FAM107B: variants seen among roughly 807,000 people sequenced by gnomAD.
The protein encoded by FAM107B is family with sequence similarity 107 member B.
A neutral mutation model predicts 31.5 loss-of-function variants in FAM107B; 21 were observed. That is an observed-to-expected ratio of 0.67 (90% CI 0.47 to 0.96). The LOEUF is 0.96. Ranked by LOEUF, FAM107B falls within the 40% of genes least tolerant of loss-of-function variation. The pLI, the probability that FAM107B is intolerant of heterozygous loss-of-function variation, is 0.00. For synonymous variants in FAM107B, 157 were observed against 141.5 expected (o/e 1.11, Z -0.78); for missense variants, 452 against 377.1 (o/e 1.20, Z -1.64).
intron 1 of FAM107B, among the ~76,000 whole-genome samples, chr10:14,770,090 G>T (rs1159493553): frequency 6.6e-6 from 1 of 152,130 alleles, no homozygotes; most frequent in African/African-American, 2.4e-5. Context: ...CTCTCATACT[G>T]CATTGATTCT....
At chr10:14,627,601 C>G (rs1261319648) in intron 2 of FAM107B, among the ~76,000 whole-genome samples, 4 of 152,080 alleles carry the variant, frequency 2.6e-5, no homozygotes, top group South Asian at 4.1e-4. Context: ...TTAACGACAC[C>G]CCATCTCTAC....
chr10:14,746,349 G>A (rs1347522206), intron 1 of FAM107B, among the ~76,000 whole-genome samples: 1 of 152,144 alleles, frequency 6.6e-6, no homozygotes, highest in African/African-American at 2.4e-5. Flanking sequence ...CATGCTAGCT[G>A]GTTATTTTGC....
At chr10:14,729,834 T>A (rs1588737414) in intron 1 of FAM107B, among the ~76,000 whole-genome samples, 1 of 152,180 alleles carries the variant, frequency 6.6e-6, no homozygotes, top group South Asian at 2.1e-4. Context: ...GTGGCACATA[T>A]ACACCATGAA....
intron 1 of FAM107B, among the ~76,000 whole-genome samples, chr10:14,734,876 G>A (rs1856262200): frequency 6.6e-6 from 1 of 152,140 alleles, no homozygotes; most frequent in Admixed American, 6.6e-5. Context: ...GTGAAATGCA[G>A]TGGACACAGT....
intron 1 of FAM107B, among the ~76,000 whole-genome samples, chr10:14,715,745 C>T (rs1162926499): frequency 6.6e-6 from 1 of 152,186 alleles, no homozygotes; most frequent in Non-Finnish European, 1.5e-5. Context: ...ATCAGCACTC[C>T]TTGTTCCCCA....
chr10:14,527,282 A>G (rs976901985), intron 3 of FAM107B, among the ~76,000 whole-genome samples: 1 of 152,168 alleles, frequency 6.6e-6, no homozygotes, highest in African/African-American at 2.4e-5. Context: ...CGTCAGACCT[A>G]GAGGCTTCAA....
chr10:14,594,776 A>G (rs182832231), intron 2 of FAM107B, among the ~76,000 whole-genome samples: 1 of 152,324 alleles, frequency 6.6e-6, no homozygotes, highest in Non-Finnish European at 1.5e-5. Flanking sequence ...ACTGATTTCT[A>G]GAAATCACAG....
intron 2 of FAM107B, among the ~76,000 whole-genome samples, chr10:14,603,985 G>GCGGCCCCCGCCTCCGCGGCGCCCCCCGCA (rs1852495527): frequency 2.0e-5 from 3 of 147,716 alleles, no homozygotes; most frequent in Non-Finnish European, 4.5e-5. Context: ...CTTCCCCGCA[G>GCGGCCCCCGCCTCCGCGGCGCCCCCCGCA]CGGCCCCCGC....
At chr10:14,657,485 A>G (rs565131403) in intron 2 of FAM107B, among the ~76,000 whole-genome samples, 2 of 152,212 alleles carry the variant, frequency 1.3e-5, no homozygotes, top group African/African-American at 4.8e-5. Flanking sequence ...CCTCCCAAAG[A>G]CAGACACCTC....
intron 2 of FAM107B, among the ~76,000 whole-genome samples, chr10:14,619,877 CT>C (rs946790994): frequency 2.0e-4 from 30 of 150,548 alleles, no homozygotes; most frequent in East Asian, 7.8e-4. Context: ...GGTTGAATTT[CT>C]TTTTTTTTCA....
chr10:14,557,133 C>A (rs1452510927), intron 2 of FAM107B, among the ~76,000 whole-genome samples: 2 of 152,238 alleles, frequency 1.3e-5, no homozygotes, highest in Non-Finnish European at 2.9e-5. Context: ...AACAATCCAA[C>A]ACGGGTCCCT....
intron 2 of FAM107B, among the ~76,000 whole-genome samples, chr10:14,620,928 G>A (rs1181644767): frequency 6.6e-6 from 1 of 152,102 alleles, no homozygotes; most frequent in Non-Finnish European, 1.5e-5. Flanking sequence ...TAATCCCTAA[G>A]TATTTCTTGG....
rs1242771629 is a variant in FAM107B at position 14,540,598 on chromosome 10, GCCA to G, written c.470-10086_470-10084del. Among the ~76,000 whole-genome samples the G allele has an allele frequency of 3.3e-5, 5 of 151,950 alleles. No individual in the cohort carries two copies. In the East Asian group the frequency reaches 7.8e-4, roughly 24 times the overall value. On this transcript the variant is annotated intron_variant, in intron 2 of 4. Coordinates refer to ENST00000181796, the MANE Select transcript of FAM107B (RefSeq NM_031453.4). ...ACACTTCCTCTTCCCTCCCTTTAAC[GCCA>G]CCAGCAGTCCAGGCAGAGGGCCACA...
chr10:14,678,777 A>T (rs1854753376), intron 1 of FAM107B, among the ~76,000 whole-genome samples: 1 of 152,228 alleles, frequency 6.6e-6, no homozygotes, highest in Non-Finnish European at 1.5e-5. Context: ...CAGAAATCAC[A>T]TCAGCTCTTC....
At chr10:14,679,915 C>T (rs1854787027) in intron 1 of FAM107B, among the ~76,000 whole-genome samples, 1 of 152,206 alleles carries the variant, frequency 6.6e-6, no homozygotes, top group African/African-American at 2.4e-5. Flanking sequence ...GCTTCCTGCC[C>T]TCAAACATCG....
chr10:14,640,106 G>A (rs1039835121), intron 2 of FAM107B, among the ~76,000 whole-genome samples: 1 of 152,280 alleles, frequency 6.6e-6, no homozygotes, highest in African/African-American at 2.4e-5. Context: ...TAATTCCTAT[G>A]AGCTGGGCAT....
chr10:14,568,619 G>A (rs201847343), intron 2 of FAM107B, among the ~76,000 whole-genome samples: 1 of 152,226 alleles, frequency 6.6e-6, no homozygotes, highest in Non-Finnish European at 1.5e-5. Flanking sequence ...ACTCAGGTAG[G>A]AGGAGGGTGG....
chr10:14,541,276 C>T (rs977412790), intron 2 of FAM107B, among the ~76,000 whole-genome samples: 2 of 152,214 alleles, frequency 1.3e-5, no homozygotes, highest in Non-Finnish European at 2.9e-5. Context: ...CAGATCAGGG[C>T]TACCAAGCCG....
intron 1 of FAM107B, among the ~76,000 whole-genome samples, chr10:14,687,697 T>C (rs1338021715): frequency 6.6e-6 from 1 of 152,146 alleles, no homozygotes. Flanking sequence ...GAGTATTTTC[T>C]TCCACTTCCA....
Sources: gnomAD v4.1 joint callset for allele counts (sites outside exome capture counted in the v4.1 genomes callset) on GRCh38, gnomAD v4.1.1 for gene constraint, MANE v1.5 for transcripts, NCBI Gene and HGNC (gene_info 2026-07-23, HGNC 2026-07-21) for gene names.